RBFOX1: variants seen among roughly 807,000 people sequenced by gnomAD.
RBFOX1 encodes RNA binding fox-1 homolog 1, also known as RNA binding protein fox-1 homolog 1.
A neutral mutation model predicts 57.7 loss-of-function variants in RBFOX1; 8 were observed. The ratio of observed to expected loss-of-function variants is 0.14; its 90% CI spans 0.08 to 0.25. The LOEUF (loss-of-function observed/expected upper bound fraction) is 0.25, where lower values mean the gene tolerates loss of function less well. Ranked by LOEUF, RBFOX1 falls within the 10% of genes least tolerant of loss-of-function variation. The pLI, the probability that RBFOX1 is intolerant of heterozygous loss-of-function variation, is 1.00. For synonymous variants in RBFOX1, 326 were observed against 222.4 expected (o/e 1.47, Z -4.15); for missense variants, 611 against 548.5 (o/e 1.11, Z -1.14).
At chr16:5,511,572 A>C (rs912045739) in intron 2 of RBFOX1, among the ~76,000 whole-genome samples, 1 of 152,004 alleles carries the variant, frequency 6.6e-6, no homozygotes, top group Non-Finnish European at 1.5e-5. Flanking sequence ...CCTAGATGCC[A>C]CTCAGCTCTG....
intron 3 of RBFOX1, among the ~76,000 whole-genome samples, chr16:5,853,988 T>G (rs985036234): frequency 1.3e-5 from 2 of 152,262 alleles, no homozygotes; most frequent in African/African-American, 4.8e-5. Context: ...CCTTATTGAC[T>G]ATATTTGATC....
intron 4 of RBFOX1, among the ~76,000 whole-genome samples, chr16:5,958,171 G>T (rs899244601): frequency 6.6e-6 from 1 of 152,134 alleles, no homozygotes; most frequent in Non-Finnish European, 1.5e-5. Context: ...TGTGTAAAGG[G>T]CTTAGCACCC....
intron 3 of RBFOX1, among the ~76,000 whole-genome samples, chr16:6,790,912 C>CTT (rs377546044): frequency 4.1e-5 from 6 of 146,020 alleles, no homozygotes; most frequent in African/African-American, 1.5e-4. Context: ...TCCTGTTTAT[C>CTT]TTTTTTTTTT....
intron 3 of RBFOX1, among the ~76,000 whole-genome samples, chr16:6,864,533 A>G (rs550289345): frequency 9.8e-4 from 146 of 149,252 alleles, no homozygotes; most frequent in Non-Finnish European, 1.6e-3. Flanking sequence ...AAACCCCCCT[A>G]TTCTCTCCTT....
intron 4 of RBFOX1, among the ~76,000 whole-genome samples, chr16:6,004,389 A>T (rs2060656845): frequency 6.6e-6 from 1 of 152,192 alleles, no homozygotes; most frequent in Admixed American, 6.5e-5. Flanking sequence ...ATGAGGGTTT[A>T]CATAGTTAAT....
intron 3 of RBFOX1, among the ~76,000 whole-genome samples, chr16:6,928,865 C>T (rs2153470577): frequency 6.6e-6 from 1 of 152,248 alleles, no homozygotes; most frequent in Non-Finnish European, 1.5e-5. Flanking sequence ...CCACCACCAC[C>T]ATCATCACCA....
At chr16:6,071,775 C>G (rs1462561931) in intron 1 of RBFOX1, among the ~76,000 whole-genome samples, 1 of 152,186 alleles carries the variant, frequency 6.6e-6, no homozygotes, top group Non-Finnish European at 1.5e-5. Flanking sequence ...TACCACCATT[C>G]TCCCCTCAGC....
intron 2 of RBFOX1, among the ~76,000 whole-genome samples, chr16:6,476,568 A>G (rs1017403575): frequency 2.0e-5 from 3 of 152,236 alleles, no homozygotes; most frequent in Non-Finnish European, 2.9e-5. Flanking sequence ...TAAAATAAAA[A>G]TGCCAACAAT....
chr16:7,244,589 G>C (rs566447898), intron 4 of RBFOX1, among the ~76,000 whole-genome samples: 3 of 152,168 alleles, frequency 2.0e-5, no homozygotes, highest in Non-Finnish European at 4.4e-5. Flanking sequence ...CTTTAATTAG[G>C]ACACAATGGG....
intron 1 of RBFOX1, among the ~76,000 whole-genome samples, chr16:6,155,569 A>G (rs556633160): frequency 6.6e-6 from 1 of 152,244 alleles, no homozygotes; most frequent in South Asian, 2.1e-4. Context: ...GATAGTGACC[A>G]GAAGGCATTG....
chr16:6,335,648 C>A (rs902331476), intron 2 of RBFOX1, among the ~76,000 whole-genome samples: 1 of 151,108 alleles, frequency 6.6e-6, no homozygotes, highest in East Asian at 2.0e-4. Flanking sequence ...TGTGTTGACG[C>A]GCGCCTGTAA....
chr16:5,916,969 G>A (rs990043479), intron 4 of RBFOX1, among the ~76,000 whole-genome samples: 5 of 152,208 alleles, frequency 3.3e-5, no homozygotes, highest in Admixed American at 6.5e-5. Context: ...CCTTTGATGC[G>A]GGTGTTATGA....
At position 6,221,671 on chromosome 16, in the gene RBFOX1, A is replaced by G. The variant is rs2097374262; in HGVS notation, c.-126-95324A>G. 2.0e-5 allele frequency among the ~76,000 whole-genome samples: 3 copies of G among 152,204 alleles called. No individual in the cohort carries two copies. In the South Asian group the frequency reaches 6.2e-4, roughly 32 times the overall value. ...AGAGGTTTCACTGACTCACAGTTCCACGTGGCTGGGACACCTCACAGTCAT... is the reference window on the plus strand; with the variant it reads ...AGAGGTTTCACTGACTCACAGTTCCGCGTGGCTGGGACACCTCACAGTCAT... On this transcript the variant is annotated intron_variant, in intron 1 of 15. Coordinates refer to ENST00000550418, the MANE Select transcript of RBFOX1 (RefSeq NM_018723.4).
intron 2 of RBFOX1, among the ~76,000 whole-genome samples, chr16:6,642,592 A>C (rs2098501281): frequency 6.6e-6 from 1 of 151,660 alleles, no homozygotes; most frequent in Admixed American, 6.6e-5. Context: ...TCATAACCAC[A>C]CTCCAAAAAA....
intron 3 of RBFOX1, among the ~76,000 whole-genome samples, chr16:6,750,924 G>C (rs2074817936): frequency 6.6e-6 from 1 of 152,156 alleles, no homozygotes; most frequent in Non-Finnish European, 1.5e-5. Flanking sequence ...GGCTAGGGAA[G>C]TGCTCTTGGA....
At chr16:7,147,643 A>G (rs1280070441) in intron 4 of RBFOX1, among the ~76,000 whole-genome samples, 1 of 152,160 alleles carries the variant, frequency 6.6e-6, no homozygotes, top group Non-Finnish European at 1.5e-5. Context: ...TGCAATGAAC[A>G]TGATTTTGTT....
chr16:6,081,457 G>C (rs1216342797), intron 1 of RBFOX1, among the ~76,000 whole-genome samples: 1 of 152,204 alleles, frequency 6.6e-6, no homozygotes, highest in African/African-American at 2.4e-5. Flanking sequence ...CTTCTGAGCT[G>C]AAGATGAAGG....
intron 4 of RBFOX1, among the ~76,000 whole-genome samples, chr16:7,075,855 C>G (rs1204966522): frequency 6.6e-6 from 1 of 152,038 alleles, no homozygotes; most frequent in Non-Finnish European, 1.5e-5. Flanking sequence ...GCTGGGATTA[C>G]AGGCGTGAGC....
At chr16:5,986,226 G>C (rs2060283591) in intron 4 of RBFOX1, among the ~76,000 whole-genome samples, 1 of 152,030 alleles carries the variant, frequency 6.6e-6, no homozygotes, top group Non-Finnish European at 1.5e-5. Flanking sequence ...ACCCCAGCTG[G>C]CTAATTTTTG....
Sources: allele counts gnomAD v4.1 joint callset (sites outside exome capture counted in the v4.1 genomes callset), GRCh38; gene constraint gnomAD v4.1.1; transcripts MANE v1.5; gene names NCBI Gene and HGNC (gene_info 2026-07-23, HGNC 2026-07-21).